Variants in CALU observed in about 807,000 individuals in gnomAD.
CALU encodes IEF SSP 9302.
In CALU, 13 loss-of-function variants were observed where a neutral mutation model predicts 37.5. The ratio of observed to expected loss-of-function variants is 0.35; its 90% CI spans 0.23 to 0.55. CALU has a LOEUF of 0.55. CALU is among the 20% of genes least tolerant of loss of function. The pLI is 0.89. For synonymous variants in CALU, 114 were observed against 133.8 expected, an observed-to-expected ratio of 0.85 and a Z score of 1.02; for missense variants, 282 against 391.7, an observed-to-expected ratio of 0.72 and a Z score of 2.36.
intron 1 of CALU, among the ~76,000 whole-genome samples, chr7:128,742,829 T>C (rs1284771783): frequency 1.3e-5 from 2 of 152,188 alleles, no homozygotes; most frequent in African/African-American, 4.8e-5. Context: ...AAAACAACTT[T>C]ATAGAAGACC....
At chr7:128,746,285 G>C (rs567553137) in intron 1 of CALU, among the ~76,000 whole-genome samples, 73 of 151,994 alleles carry the variant, frequency 4.8e-4, no homozygotes, top group Non-Finnish European at 9.9e-4. Flanking sequence ...AGCCTCCTGA[G>C]TAGCTGGGAC....
chr7:128,742,402 A>G (rs1800272194), intron 1 of CALU, among the ~76,000 whole-genome samples: 1 of 152,190 alleles, frequency 6.6e-6, no homozygotes, highest in African/African-American at 2.4e-5. Context: ...GAATTTTACT[A>G]CCACACCCAT....
rs2290228 is a variant in CALU, at chr7:128,748,594, G to T, written c.11G>T (p.Arg4Leu). Residue 4 changes from arginine to leucine, a missense_variant, in exon 2 of 7, where the codon CGA (arginine) becomes CTA (leucine). Transcript: ENST00000249364. MDL[R>L]QFLMCLSLCT... ...CAAGATCTAATTATCATGGACCTGC[G>T]ACAGTTTCTTATGTGCCTGTCCCTG... is the stretch of plus-strand genomic sequence containing the variant. The T allele has an allele frequency of 6.2e-7, 1 of 1,613,574 alleles. No individual in the cohort carries two copies. The highest frequency in any genetic ancestry group is 1.1e-5 in the South Asian group (1 of 91,044).
intron 1 of CALU, among the ~76,000 whole-genome samples, chr7:128,746,564 C>G (rs1044675012): frequency 6.6e-6 from 1 of 151,620 alleles, no homozygotes; most frequent in Non-Finnish European, 1.5e-5. Flanking sequence ...AGCTATCCTC[C>G]CACCTCAGCC....
At chr7:128,745,161 G>GAT (rs1286386930) in intron 1 of CALU, among the ~76,000 whole-genome samples, 1 of 152,130 alleles carries the variant, frequency 6.6e-6, no homozygotes, top group Non-Finnish European at 1.5e-5. Flanking sequence ...TTTTCCTAAA[G>GAT]ATAAAGTCCC....
chr7:128,766,119 G>A (rs1420699152), intron 5 of CALU, among the ~76,000 whole-genome samples: 3 of 151,946 alleles, frequency 2.0e-5, no homozygotes, highest in African/African-American at 7.2e-5. Flanking sequence ...CAGCACGCCC[G>A]GCTAATTTTA....
At chr7:128,754,821 C>G (rs886953247) in intron 3 of CALU, 1 of 595,450 alleles carries the variant, frequency 1.7e-6, no homozygotes, top group African/African-American at 1.9e-5. Context: ...TTAAATAGTT[C>G]AATTCAGTGC....
intron 5 of CALU, among the ~76,000 whole-genome samples, chr7:128,760,492 G>T (rs893028921): frequency 1.3e-5 from 2 of 151,278 alleles, no homozygotes; most frequent in South Asian, 2.1e-4. Flanking sequence ...ATTATTGAGG[G>T]TTTTTTTTTA....
chr7:128,739,878 C>T (rs1800164842), intron 1 of CALU, among the ~76,000 whole-genome samples: 1 of 152,140 alleles, frequency 6.6e-6, no homozygotes, highest in African/African-American at 2.4e-5. Context: ...GCCCCAAGGC[C>T]ACATCCCGAC....
chr7:128,766,251 T>G (rs536633132), intron 5 of CALU, among the ~76,000 whole-genome samples: 41 of 151,150 alleles, frequency 2.7e-4, no homozygotes, highest in Non-Finnish European at 5.0e-4. Context: ...CATGAGCCAC[T>G]GCACCCAGCC....
chr7:128,772,617 T>G lies in CALU; in HGVS notation c.*3450T>G. The G allele has an allele frequency of 6.2e-7, 1 of 1,614,140 alleles. No homozygotes were observed. Among genetic ancestry groups the G allele is most frequent in the Non-Finnish European group, 8.5e-7 (1 of 1,180,004 alleles). On this transcript the variant is annotated 3_prime_UTR_variant, in exon 7 of 7. Transcript: ENST00000249364. ...GAGCTGCATGTGTCGGATTCATCTGTCATGGCCTTCCCACACACCATCTTC... is the reference window on the plus strand; with the variant it reads ...GAGCTGCATGTGTCGGATTCATCTGGCATGGCCTTCCCACACACCATCTTC...
rs1801514284 is a variant in CALU, at chr7:128,770,509, C to T, written c.*1342C>T. ...AGAGAGGGCTCTTTGGTTTGAGGAC[C>T]ATGGCTTACCTTTCCTGCCTTTGAC... On this transcript the variant is annotated 3_prime_UTR_variant, in exon 7 of 7. Transcript: ENST00000249364. The T allele has an allele frequency of 6.6e-6, 1 of 152,024 alleles. No homozygotes were observed. The highest frequency in any genetic ancestry group is 6.6e-5 in the Admixed American group (1 of 15,212). 9.4% of individuals were successfully genotyped at this position (152,024 alleles called of 1,614,324 possible).
At chr7:128,746,110 T>C (rs1800423811) in intron 1 of CALU, among the ~76,000 whole-genome samples, 1 of 152,224 alleles carries the variant, frequency 6.6e-6, no homozygotes, top group African/African-American at 2.4e-5. Context: ...ACTTGACATA[T>C]CTTGGTGAAT....
chr7:128,755,309 CAAAAAA>C (rs59208090), intron 3 of CALU, among the ~76,000 whole-genome samples: 4 of 51,522 alleles, frequency 7.8e-5, no homozygotes, highest in Admixed American at 3.1e-4. Flanking sequence ...GAGCTCTGTC[CAAAAAA>C]AAAAAAAAAA....
At chr7:128,755,348 A>ACATACTT (rs1315250413) in intron 3 of CALU, among the ~76,000 whole-genome samples, 1 of 150,546 alleles carries the variant, frequency 6.6e-6, no homozygotes, top group African/African-American at 2.4e-5. Flanking sequence ...CTATGAGGCT[A>ACATACTT]CATACTTCCA....
At chr7:128,768,292 A>C (rs1179961778) in intron 6 of CALU, among the ~76,000 whole-genome samples, 1 of 152,146 alleles carries the variant, frequency 6.6e-6, no homozygotes, top group Non-Finnish European at 1.5e-5. Flanking sequence ...TTTCAAATTC[A>C]GTTTTTTATT....
Position 128,767,626 on chromosome 7 carries a change from C to T in CALU, c.814C>T (p.His272Tyr), listed in dbSNP as rs1280624747. 2 of 1,614,142 alleles carry T rather than the reference C, an allele frequency of 1.2e-6. No individual in the cohort carries two copies. The highest frequency in any genetic ancestry group is 1.3e-5 in the African/African-American group (1 of 75,036). ...TGATCATGCAGAGGCAGAAGCCAGG[C>T]ACCTGGTCTATGAATCAGACCAAAA... ...DYDHAEAEARHLVYESDQNKD... is the reference protein window; with the variant it reads ...DYDHAEAEARYLVYESDQNKD... Residue 272 changes from histidine (H) to tyrosine (Y), a missense_variant, in exon 6 of 7, where the codon CAC becomes TAC. Transcript: ENST00000249364.
intron 2 of CALU, among the ~76,000 whole-genome samples, chr7:128,749,752 T>G (rs1004496039): frequency 6.6e-6 from 1 of 152,216 alleles, no homozygotes; most frequent in Non-Finnish European, 1.5e-5. Flanking sequence ...AATGTTTTAT[T>G]TTTCAACATT....
At chr7:128,749,628 A>G (rs1563128323) in intron 2 of CALU, among the ~76,000 whole-genome samples, 1 of 152,200 alleles carries the variant, frequency 6.6e-6, no homozygotes, top group Non-Finnish European at 1.5e-5. Flanking sequence ...ATTTCTAAAA[A>G]TATTTTGCCT....
Sources: allele counts gnomAD v4.1 joint callset (sites outside exome capture counted in the v4.1 genomes callset), GRCh38; gene constraint gnomAD v4.1.1; transcripts MANE v1.5; gene names NCBI Gene and HGNC (gene_info 2026-07-23, HGNC 2026-07-21).